NRXN1: variants seen among roughly 807,000 people sequenced by gnomAD.
NRXN1 encodes the protein neurexin 1, also known as neurexin-1.
NRXN1 carries 39 observed loss-of-function variants against 150.9 expected under a neutral mutation model. That is an observed-to-expected ratio of 0.26 (90% confidence interval 0.20 to 0.34). NRXN1 has a LOEUF of 0.34. Ranked by LOEUF, NRXN1 falls within the 10% of genes least tolerant of loss-of-function variation. NRXN1 has a pLI of 1.00. For missense variants in NRXN1, 1,815 were observed against 1,949.9 expected (o/e 0.93, Z 1.30); for synonymous variants, 924 against 757.0 (o/e 1.22, Z -3.62).
intron 21 of NRXN1, among the ~76,000 whole-genome samples, chr2:49,982,056 T>C (rs1008887098): frequency 6.6e-6 from 1 of 152,142 alleles, no homozygotes; most frequent in Non-Finnish European, 1.5e-5. Context: ...CACTCTCCAA[T>C]GTACATAAAG....
rs567156592 is a variant in NRXN1 at position 50,644,811 on chromosome 2, TA to T, written c.833-21197del. 3.9e-3 allele frequency among the ~76,000 whole-genome samples: 585 copies of T among 148,452 alleles called. 6 individuals carry two copies. The highest frequency in any genetic ancestry group is 0.014 in the African/African-American group (553 of 40,916). ...ATATAAAAGAAATATATATATAATA[TA>T]TATGAATATAAACATTCAGGTAGGA... On this transcript the variant is annotated intron_variant, in intron 5 of 22. Transcript: ENST00000401669.
intron 5 of NRXN1, among the ~76,000 whole-genome samples, chr2:50,661,871 T>G (rs1397822030): frequency 1.3e-5 from 2 of 152,050 alleles, no homozygotes; most frequent in Non-Finnish European, 1.5e-5. Context: ...AGGCCTGTTG[T>G]TATATTCATG....
intron 17 of NRXN1, among the ~76,000 whole-genome samples, chr2:50,373,675 A>AAGG (rs1432241480): frequency 0.01 from 1,064 of 101,776 alleles, 17 homozygotes; most frequent in African/African-American, 0.048. Context: ...AGAAAGAAAG[A>AAGG]AAGAAAAGAA....
In NRXN1 at chr2:50,683,862, G is replaced by A. The variant is rs12468368; in HGVS notation, c.833-60247C>T. On this transcript the variant is annotated intron_variant, in intron 5 of 22. Transcript: ENST00000401669. ...CAAGTTCAATTTAACAAGGTACGAT[G>A]TGTGTATTATTTTCAAAATGGTAAA... Among the ~76,000 whole-genome samples the A allele has an allele frequency of 2.0e-3, 297 of 151,004 alleles. 5 individuals are homozygous for A. Among genetic ancestry groups the A allele is most frequent in the Admixed American group, 0.017 (257 of 15,076 alleles).
chr2:50,758,800 C>G (rs562786237), intron 5 of NRXN1, among the ~76,000 whole-genome samples: 1 of 151,892 alleles, frequency 6.6e-6, no homozygotes, highest in African/African-American at 2.4e-5. Context: ...TCTCACTCAT[C>G]TATTCGCACC....
At chr2:50,374,878 T>C (rs940257025) in intron 17 of NRXN1, among the ~76,000 whole-genome samples, 1 of 152,186 alleles carries the variant, frequency 6.6e-6, no homozygotes, top group African/African-American at 2.4e-5. Flanking sequence ...AGCCTTCCTT[T>C]TGACAGATTT....
At chr2:50,091,134 T>C (rs1364968788) in intron 19 of NRXN1, among the ~76,000 whole-genome samples, 189 bp downstream of exon 19, 2 of 152,206 alleles carry the variant, frequency 1.3e-5, no homozygotes, top group East Asian at 3.8e-4. Context: ...CGTTCTCCTA[T>C]AAAATGGCAT....
In NRXN1 at chr2:50,940,248, C is replaced by T. The variant is rs572811952; in HGVS notation, c.773-14293G>A. Among the ~76,000 whole-genome samples the T allele has an allele frequency of 9.2e-5, 14 of 151,850 alleles. No individual in the cohort carries two copies. In the South Asian group the frequency reaches 1.2e-3, roughly 14 times the overall value. ...ATCCCAGCACTTTGGGAGGCCAAGG[C>T]GGAGGATCATGAGGTTAAGAGATCG... On this transcript the variant is annotated intron_variant, in intron 2 of 22. Coordinates refer to ENST00000401669, the MANE Select transcript of NRXN1 (RefSeq NM_001330078.2).
chr2:50,558,126 A>G (rs1424055032), intron 8 of NRXN1, among the ~76,000 whole-genome samples: 1 of 152,174 alleles, frequency 6.6e-6, no homozygotes, highest in Non-Finnish European at 1.5e-5. Flanking sequence ...CTCTTATAAG[A>G]GTTTTATATA....
intron 5 of NRXN1, among the ~76,000 whole-genome samples, chr2:50,709,002 T>C (rs913390344): frequency 3.9e-5 from 6 of 152,140 alleles, no homozygotes; most frequent in Admixed American, 2.0e-4. Flanking sequence ...GATTGCCTGC[T>C]GATTTCTAAC....
At chr2:50,757,035 T>C (rs1262065274) in intron 5 of NRXN1, among the ~76,000 whole-genome samples, 3 of 151,918 alleles carry the variant, frequency 2.0e-5, no homozygotes, top group Non-Finnish European at 4.4e-5. Flanking sequence ...GCTTTGTTTT[T>C]AAATGTGATG....
At chr2:50,651,392 C>T (rs1299702809) in intron 5 of NRXN1, among the ~76,000 whole-genome samples, 1 of 151,940 alleles carries the variant, frequency 6.6e-6, no homozygotes, top group Admixed American at 6.6e-5. Context: ...GCAAGAGGAT[C>T]ACTTAAGCTC....
intron 5 of NRXN1, among the ~76,000 whole-genome samples, chr2:50,797,060 G>A (rs760223382): frequency 3.9e-5 from 6 of 152,158 alleles, no homozygotes; most frequent in Non-Finnish European, 7.4e-5. Context: ...TATAAGTGCA[G>A]AGCCCTCATG....
intron 21 of NRXN1, among the ~76,000 whole-genome samples, chr2:49,961,188 A>C (rs1675874259): frequency 6.6e-6 from 1 of 152,062 alleles, no homozygotes; most frequent in South Asian, 2.1e-4. Context: ...AGGAGACCCC[A>C]GTATCTCCTG....
intron 17 of NRXN1, among the ~76,000 whole-genome samples, chr2:50,293,754 T>C (rs1300002604): frequency 1.3e-5 from 2 of 152,170 alleles, no homozygotes; most frequent in Non-Finnish European, 2.9e-5. Context: ...CACAGAATGA[T>C]GCCTTCCTGG....
intron 17 of NRXN1, among the ~76,000 whole-genome samples, chr2:50,314,777 G>A (rs553906012): frequency 1.3e-5 from 2 of 152,108 alleles, no homozygotes; most frequent in African/African-American, 2.4e-5. Flanking sequence ...GAGTAATGCC[G>A]AAGATCAGAG....
chr2:50,577,625 C>G (rs1671634975), intron 8 of NRXN1, among the ~76,000 whole-genome samples: 1 of 151,782 alleles, frequency 6.6e-6, no homozygotes, highest in Admixed American at 6.6e-5. Context: ...TCCATTATAT[C>G]TATTGTTATG....
At chr2:50,003,625 G>A (rs1008428993) in intron 21 of NRXN1, among the ~76,000 whole-genome samples, 25 of 152,074 alleles carry the variant, frequency 1.6e-4, no homozygotes, top group African/African-American at 5.6e-4. Flanking sequence ...CTTGAAAACC[G>A]ATGTGCCTTT....
intron 5 of NRXN1, among the ~76,000 whole-genome samples, chr2:50,806,848 T>G (rs1667577182): frequency 6.6e-6 from 1 of 152,158 alleles, no homozygotes; most frequent in Admixed American, 6.6e-5. Flanking sequence ...ATAACCTCTT[T>G]TGTATTTCTA....
Sources: gnomAD v4.1 joint callset for allele counts (sites outside exome capture counted in the v4.1 genomes callset) on GRCh38, gnomAD v4.1.1 for gene constraint, MANE v1.5 for transcripts, NCBI Gene and HGNC (gene_info 2026-07-23, HGNC 2026-07-21) for gene names.